The following ACACA variants were observed in gnomAD, a reference collection of about 807,000 sequenced individuals.
ACACA encodes acetyl-CoA carboxylase alpha.
A neutral mutation model predicts 296.1 loss-of-function variants in ACACA; 103 were observed. The observed-to-expected ratio is 0.35, with a 90% CI of 0.30 to 0.41. The LOEUF is 0.41. ACACA is among the 10% of genes least tolerant of loss of function. The probability of loss-of-function intolerance (pLI) is 1.00; values close to 1 mark genes in which losing one functional copy is unlikely to be tolerated. For missense variants in ACACA, 1,554 were observed against 2,989.7 expected (o/e 0.52, Z 11.20); for synonymous variants, 953 against 1,038.6 (o/e 0.92, Z 1.58).
chr17:37,105,849 A>G (rs2073651265), intron 52 of ACACA, among the ~76,000 whole-genome samples: 3 of 145,126 alleles, frequency 2.1e-5, no homozygotes, highest in Admixed American at 1.4e-4. Context: ...GGGCAACAAG[A>G]GCGAAACTCT....
At chr17:37,210,751 CA>C (rs57591064) in intron 29 of ACACA, among the ~76,000 whole-genome samples, 18,614 of 72,232 alleles carry the variant, frequency 0.26, 1,381 homozygotes, top group African/African-American at 0.36. Flanking sequence ...GCTCTATTAC[CA>C]AAAAAAAAAA....
intron 30 of ACACA, among the ~76,000 whole-genome samples, chr17:37,208,159 C>T (rs892970810): frequency 2.6e-5 from 4 of 152,072 alleles, no homozygotes; most frequent in Non-Finnish European, 4.4e-5. Flanking sequence ...CTAAAGCATT[C>T]CCTCCTTTAA....
At chr17:37,205,742 C>CTTCCACCCAATCAAGAACTTACATT (rs776198025) in intron 33 of ACACA, 23 bp downstream of exon 33, 52 of 1,584,206 alleles carry the variant, frequency 3.3e-5, no homozygotes, top group Non-Finnish European at 4.2e-5. Flanking sequence ...ACATCACGAG[C>CTTCCACCCAATCAAGAACTTACATT]TTCCACCCAA....
At chr17:37,366,073 C>T (rs2049591916) in intron 1 of ACACA, among the ~76,000 whole-genome samples, 1 of 152,168 alleles carries the variant, frequency 6.6e-6, no homozygotes, top group African/African-American at 2.4e-5. Context: ...TTTGCCCAGT[C>T]GTAGGATTCT....
chr17:37,170,826 A>C (rs2076856192), intron 41 of ACACA, among the ~76,000 whole-genome samples: 1 of 152,260 alleles, frequency 6.6e-6, no homozygotes, highest in Non-Finnish European at 1.5e-5. Context: ...AGAATGTGCA[A>C]GCACACACAG....
At chr17:37,186,316 C>A (rs569822373) in intron 39 of ACACA, among the ~76,000 whole-genome samples, 1 of 152,270 alleles carries the variant, frequency 6.6e-6, no homozygotes, top group Admixed American at 6.5e-5. Context: ...TATAATAGCA[C>A]ATATTTGCCA....
At chr17:37,333,167 T>C (rs2047962821) in intron 2 of ACACA, among the ~76,000 whole-genome samples, 1 of 152,132 alleles carries the variant, frequency 6.6e-6, no homozygotes, top group Admixed American at 6.5e-5. Context: ...AGGATAAATA[T>C]ATATACAGAC....
intron 45 of ACACA, among the ~76,000 whole-genome samples, chr17:37,143,170 G>T (rs2075666149): frequency 6.6e-6 from 1 of 151,152 alleles, no homozygotes; most frequent in Admixed American, 6.6e-5. Flanking sequence ...AATTAAACCT[G>T]GGCAGCCTGG....
intron 52 of ACACA, among the ~76,000 whole-genome samples, chr17:37,104,391 A>G (rs1042414849): frequency 6.6e-6 from 1 of 152,246 alleles, no homozygotes; most frequent in Non-Finnish European, 1.5e-5. Flanking sequence ...CTGTTAAAGT[A>G]CTTTTTATCT....
chr17:37,185,139 G>A (rs1380099208), intron 39 of ACACA, among the ~76,000 whole-genome samples: 1 of 152,200 alleles, frequency 6.6e-6, no homozygotes, highest in East Asian at 1.9e-4. Context: ...AACTGTGATA[G>A]TACTTACACG....
intron 3 of ACACA, among the ~76,000 whole-genome samples, chr17:37,316,868 T>C (rs2047117942): frequency 6.6e-6 from 1 of 151,348 alleles, no homozygotes; most frequent in Non-Finnish European, 1.5e-5. Flanking sequence ...AGGTCCAGAG[T>C]TCGAGACCAG....
At position 37,087,092 on chromosome 17, in the gene ACACA, G is replaced by A. The variant is rs1399443301; in HGVS notation, c.*224C>T. The A allele has an allele frequency of 1.3e-5, 8 of 639,306 alleles. No homozygotes were observed. Among genetic ancestry groups the A allele is most frequent in the South Asian group, 3.6e-5 (2 of 54,832 alleles). 39.6% of individuals were successfully genotyped at this position (639,306 alleles called of 1,614,324 possible). On this transcript the variant is annotated 3_prime_UTR_variant, in exon 56 of 56. Coordinates refer to ENST00000616317, the MANE Select transcript of ACACA (RefSeq NM_198834.3). ...GGAGTGGAGGACTAGGCCTGGCCAGGGTAATAAATACTGAATGGGGTAGGT... is the reference window on the plus strand; with the variant it reads ...GGAGTGGAGGACTAGGCCTGGCCAGAGTAATAAATACTGAATGGGGTAGGT...
At chr17:37,314,012 T>A (rs545523205) in intron 3 of ACACA, among the ~76,000 whole-genome samples, 1 of 151,898 alleles carries the variant, frequency 6.6e-6, no homozygotes, top group Admixed American at 6.6e-5. Context: ...AGAGAGTATA[T>A]CTACTCCATA....
chr17:37,173,783 G>A (rs1396783334), intron 41 of ACACA, among the ~76,000 whole-genome samples: 2 of 147,786 alleles, frequency 1.4e-5, no homozygotes, highest in Middle Eastern at 3.2e-3. Context: ...CATAAAGCAG[G>A]ACTAAAACCA....
intron 3 of ACACA, chr17:37,301,455 AG>A (rs1371727368): frequency 1.0e-6 from 1 of 964,960 alleles, no homozygotes; most frequent in Admixed American, 6.2e-5. Context: ...ATGACGTAGC[AG>A]TTTACCCGGC....
chr17:37,097,141 C>A lies in ACACA; in HGVS notation c.6746G>T (p.Arg2249Leu). The change falls in exon 54 of 56, where the codon CGT becomes CTT. Residue 2249 changes from arginine (R) to leucine (L), a missense_variant. Arg to Leu is a moderately radical substitution (Grantham distance 102). Around this residue, in one of 16 missense-constraint regions of ACACA, gnomAD observed 553 missense variants for 1,043.6 expected, o/e 0.53. Transcript: ENST00000616317. The surrounding 1 kb of genome is among the most constrained non-coding windows in gnomAD (Gnocchi z 4.8). ...CCTCAGCCGCCAGTAGAAGAAGGTA[C>A]GGGATGTTTTCCAATCCAGGATATC... is the stretch of plus-strand genomic sequence containing the variant. ...ISDILDWKTS[R>L]TFFYWRLRRL... 1 of 1,613,864 alleles carries A rather than the reference C, an allele frequency of 6.2e-7. No homozygotes were observed. Among genetic ancestry groups the A allele is most frequent in the East Asian group, 2.2e-5 (1 of 44,860 alleles).
At chr17:37,161,688 T>C (rs965365603) in intron 42 of ACACA, 93 bp downstream of exon 42, 6 of 1,473,622 alleles carry the variant, frequency 4.1e-6, no homozygotes, top group Non-Finnish European at 5.5e-6. Context: ...AAGTGGTGAT[T>C]TTTGAACTTA....
chr17:37,110,867 C>CA lies in ACACA; in HGVS notation c.6565+663dup, dbSNP rs575821750. Among the ~76,000 whole-genome samples, 16 of 152,288 alleles carry CA rather than the reference C, an allele frequency of 1.1e-4. 1 individual carries two copies. In the South Asian group the frequency reaches 3.3e-3, roughly 32 times the overall value. ...TCAATGGGAGACCTGGGCAGAAAAT[C>CA]AGTGTTTTAAAAGAATCTGAAACTC... On this transcript the variant is annotated intron_variant, in intron 52 of 55. Transcript: ENST00000616317.
intron 25 of ACACA, among the ~76,000 whole-genome samples, chr17:37,230,096 T>A (rs2079783299): frequency 1.4e-5 from 2 of 139,218 alleles, no homozygotes; most frequent in Non-Finnish European, 3.1e-5. Context: ...TTAAAATAAA[T>A]AAATAAGGCC....
Sources: allele counts gnomAD v4.1 joint callset (sites outside exome capture counted in the v4.1 genomes callset), GRCh38; gene constraint gnomAD v4.1.1; regional missense constraint gnomAD v4.1.1; non-coding constraint Gnocchi (gnomAD v3.1); transcripts MANE v1.5; gene names NCBI Gene and HGNC (gene_info 2026-07-23, HGNC 2026-07-21).